SCARA3: variants seen among roughly 807,000 people sequenced by gnomAD.
SCARA3 encodes cellular stress response gene protein.
SCARA3 carries 39 observed loss-of-function variants against 47.0 expected under a neutral mutation model. The ratio of observed to expected loss-of-function variants is 0.83; its 90% CI spans 0.64 to 1.08. SCARA3 has a LOEUF of 1.08. SCARA3 is among the 50% of genes least tolerant of loss of function. The pLI, the probability that SCARA3 is intolerant of heterozygous loss-of-function variation, is 0.00. For synonymous variants in SCARA3, 356 were observed against 334.1 expected (o/e 1.07, Z -0.71); for missense variants, 724 against 792.3 (o/e 0.91, Z 1.04).
chr8:27,673,059 T>G, downstream of SCARA3: 1 of 941,894 alleles, frequency 1.1e-6, no homozygotes, highest in Non-Finnish European at 1.3e-6. Flanking sequence ...CTTGGGGGCA[T>G]GATGCCTTCA....
intron 1 of SCARA3, among the ~76,000 whole-genome samples, chr8:27,636,774 C>G (rs147546302): frequency 1.3e-5 from 2 of 152,292 alleles, no homozygotes; most frequent in Non-Finnish European, 2.9e-5. Context: ...GCATGGGCTG[C>G]GGGGCTGGGG....
chr8:27,665,855 T>C (rs538223845), intron 5 of SCARA3, among the ~76,000 whole-genome samples: 1 of 152,338 alleles, frequency 6.6e-6, no homozygotes, highest in African/African-American at 2.4e-5. Context: ...CTAGGCTCCT[T>C]GTGTTACTCA....
the SCARA3 span, among the ~76,000 whole-genome samples, chr8:27,689,286 A>G: frequency 1.3e-5 from 2 of 152,216 alleles, no homozygotes; most frequent in African/African-American, 2.4e-5. Flanking sequence ...TTGTGGAGAC[A>G]GTGGGAATTA....
At chr8:27,668,638 T>G (rs1802074654) in intron 5 of SCARA3, among the ~76,000 whole-genome samples, 1 of 150,504 alleles carries the variant, frequency 6.6e-6, no homozygotes. Context: ...GGCAGAAGAA[T>G]CACTTGAGCC....
Position 27,660,603 on chromosome 8 carries a change from T to C in SCARA3, c.1369+1064T>C, listed in dbSNP as rs142823836. On this transcript the variant is annotated intron_variant, in intron 5 of 5. Coordinates refer to ENST00000301904, the MANE Select transcript of SCARA3 (RefSeq NM_016240.3). ...TAGATAGATCCAGAGAAGCAATCAA[T>C]AGCATAGAGATAGATGATAGATAGA... is the stretch of plus-strand genomic sequence containing the variant. Among the ~76,000 whole-genome samples, 252 of 138,796 alleles carry C rather than the reference T, an allele frequency of 1.8e-3. 1 individual carries two copies. The highest frequency in any genetic ancestry group is 6.5e-3 in the African/African-American group (241 of 36,832). 91.1% of individuals were successfully genotyped at this position (138,796 alleles called of 152,430 possible).
the SCARA3 span, among the ~76,000 whole-genome samples, chr8:27,698,351 A>G: frequency 6.6e-6 from 1 of 152,212 alleles, no homozygotes; most frequent in African/African-American, 2.4e-5. Flanking sequence ...TTAAGATAAG[A>G]CTGGAGATTG....
intron 1 of SCARA3, among the ~76,000 whole-genome samples, chr8:27,641,314 G>T (rs1368437626): frequency 6.6e-6 from 1 of 152,234 alleles, no homozygotes; most frequent in African/African-American, 2.4e-5. Flanking sequence ...TGAAGTGTAG[G>T]CATCTGGACA....
chr8:27,633,632 G>A (rs1801181374), upstream of SCARA3, among the ~76,000 whole-genome samples: 2 of 152,172 alleles, frequency 1.3e-5, no homozygotes, highest in Admixed American at 1.3e-4. Context: ...GCGCGGGCAG[G>A]GAGGACGCCG....
At chr8:27,710,098 T>G in the SCARA3 span, among the ~76,000 whole-genome samples, 14 of 152,060 alleles carry the variant, frequency 9.2e-5, no homozygotes, top group Admixed American at 2.0e-4. Context: ...GGTGTGGTGG[T>G]GCATGCCTGT....
At chr8:27,709,558 G>C in the SCARA3 span, among the ~76,000 whole-genome samples, 1 of 152,198 alleles carries the variant, frequency 6.6e-6, no homozygotes, top group East Asian at 1.9e-4. Flanking sequence ...GGGGCTGTTT[G>C]TGTGCAAGTC....
At chr8:27,663,265 T>C (rs1260374120) in intron 5 of SCARA3, among the ~76,000 whole-genome samples, 6 of 152,246 alleles carry the variant, frequency 3.9e-5, no homozygotes, top group African/African-American at 9.6e-5. Flanking sequence ...AGTTGCCCAC[T>C]TTCAGGTGGT....
chr8:27,641,946 G>C (rs1479599069), intron 1 of SCARA3, among the ~76,000 whole-genome samples: 2 of 152,200 alleles, frequency 1.3e-5, no homozygotes, highest in Non-Finnish European at 2.9e-5. Flanking sequence ...TCTGAACATA[G>C]GTCCCAGAAT....
chr8:27,709,082 C>T, the SCARA3 span, among the ~76,000 whole-genome samples: 2 of 152,186 alleles, frequency 1.3e-5, no homozygotes, highest in African/African-American at 2.4e-5. Flanking sequence ...GAAATGTTGA[C>T]TTTCCTTTTC....
At chr8:27,662,513 A>C (rs1356166155) in intron 5 of SCARA3, among the ~76,000 whole-genome samples, 1 of 152,242 alleles carries the variant, frequency 6.6e-6, no homozygotes, top group East Asian at 1.9e-4. Flanking sequence ...ACTGTGGATA[A>C]GGCATTCTGT....
intron 1 of SCARA3, among the ~76,000 whole-genome samples, chr8:27,643,170 T>C (rs984953257): frequency 6.6e-6 from 1 of 152,184 alleles, no homozygotes; most frequent in Admixed American, 6.5e-5. Context: ...CCACCTGGAA[T>C]AGGGTCCAAG....
Position 27,656,899 on chromosome 8 carries a change from G to C in SCARA3, c.325+19G>C. The C allele has an allele frequency of 1.4e-6, 2 of 1,461,726 alleles. No homozygotes were observed. The highest frequency in any genetic ancestry group is 9.6e-7 in the Non-Finnish European group (1 of 1,040,744). 90.5% of individuals were successfully genotyped at this position (1,461,726 alleles called of 1,614,324 possible). A position where few individuals can be genotyped will look rare whatever the true frequency, so the allele number is the denominator to read the frequency against. On this transcript the variant is annotated intron_variant, in intron 4 of 5. Coordinates refer to ENST00000301904, the MANE Select transcript of SCARA3 (RefSeq NM_016240.3). ...GGCCTGGGTAAGTAGATGGGCTGAT[G>C]ACTGTGATGCAGTGATCTTCAGGGT...
the SCARA3 span, among the ~76,000 whole-genome samples, chr8:27,698,801 G>A: frequency 4.6e-5 from 7 of 151,968 alleles, no homozygotes; most frequent in Non-Finnish European, 7.4e-5. Flanking sequence ...TTTAGTAAAG[G>A]ATGGGCATGA....
chr8:27,725,836 C>T, the SCARA3 span, among the ~76,000 whole-genome samples: 2 of 152,172 alleles, frequency 1.3e-5, no homozygotes, highest in South Asian at 2.1e-4. Flanking sequence ...CCTGCTGTCT[C>T]GTTGGATCAC....
At chr8:27,635,677 A>G (rs1801235803) in intron 1 of SCARA3, among the ~76,000 whole-genome samples, 1 of 150,972 alleles carries the variant, frequency 6.6e-6, no homozygotes, top group African/African-American at 2.4e-5. Flanking sequence ...GTTGGTCTAT[A>G]ACTCCTGGCC....
Sources: allele counts gnomAD v4.1 joint callset (sites outside exome capture counted in the v4.1 genomes callset), GRCh38; gene constraint gnomAD v4.1.1; transcripts MANE v1.5; gene names NCBI Gene and HGNC (gene_info 2026-07-23, HGNC 2026-07-21).